The following PBX1 variants were observed in gnomAD, a reference collection of about 807,000 sequenced individuals.
PBX1 encodes the protein pre-B-cell leukemia transcription factor 1.
PBX1 carries 6 observed loss-of-function variants against 53.4 expected under a neutral mutation model. That is an observed-to-expected ratio of 0.11 (90% CI 0.06 to 0.22). The LOEUF is 0.22. Ranked by LOEUF, PBX1 falls within the 10% of genes least tolerant of loss-of-function variation. The pLI is 1.00. For missense variants in PBX1, 251 were observed against 551.4 expected (o/e 0.46, Z 5.46); for synonymous variants, 204 against 212.3 (o/e 0.96, Z 0.34).
At chr1:164,846,022 C>T (rs1458862889) in intron 8 of PBX1, among the ~76,000 whole-genome samples, 2 of 152,010 alleles carry the variant, frequency 1.3e-5, no homozygotes, top group Non-Finnish European at 2.9e-5. Flanking sequence ...GTGGGCTTAT[C>T]TCCCTCCTTG....
chr1:164,569,645 C>A (rs1653701549), intron 2 of PBX1, among the ~76,000 whole-genome samples: 1 of 144,538 alleles, frequency 6.9e-6, no homozygotes, highest in African/African-American at 2.5e-5. Flanking sequence ...GATCTCGGCC[C>A]ACTGAAACCT....
At chr1:164,728,764 C>T (rs1374137505) in intron 2 of PBX1, among the ~76,000 whole-genome samples, 3 of 151,992 alleles carry the variant, frequency 2.0e-5, no homozygotes, top group Non-Finnish European at 4.4e-5. Context: ...TTTATAACAC[C>T]GGTTGAGTAA....
intron 2 of PBX1, among the ~76,000 whole-genome samples, chr1:164,681,706 GAAA>G (rs1286290350): frequency 6.6e-6 from 1 of 152,154 alleles, no homozygotes; most frequent in African/African-American, 2.4e-5. Flanking sequence ...AGTGAGGACT[GAAA>G]AACTACCTAT....
intron 8 of PBX1, among the ~76,000 whole-genome samples, chr1:164,843,872 G>A (rs918008927): frequency 1.3e-5 from 2 of 152,078 alleles, no homozygotes; most frequent in Non-Finnish European, 2.9e-5. Context: ...CCTTCTTAAT[G>A]AAACACCACA....
At chr1:164,767,491 G>T (rs907592631) in intron 2 of PBX1, among the ~76,000 whole-genome samples, 7 of 152,106 alleles carry the variant, frequency 4.6e-5, no homozygotes, top group Non-Finnish European at 2.9e-5. Flanking sequence ...ATATGGATTG[G>T]ATATGGCTTT....
chr1:164,701,617 C>T (rs1483665155), intron 2 of PBX1, among the ~76,000 whole-genome samples: 1 of 152,216 alleles, frequency 6.6e-6, no homozygotes, highest in Non-Finnish European at 1.5e-5. Flanking sequence ...TTCACACTCT[C>T]TCCCACTCCC....
chr1:164,756,007 A>AAT (rs1020687649), intron 2 of PBX1, among the ~76,000 whole-genome samples: 3 of 151,196 alleles, frequency 2.0e-5, no homozygotes, highest in African/African-American at 7.3e-5. Context: ...GGAAAAAAAA[A>AAT]AAAAAAAAGA....
Position 164,847,079 on chromosome 1 carries a change from G to C in PBX1, c.*403G>C. 1 of 1,096,796 alleles carries C rather than the reference G, an allele frequency of 9.1e-7. No homozygotes were observed. The highest frequency in any genetic ancestry group is 1.6e-5 in the African/African-American group (1 of 62,918). The allele number at this position is 1,096,796 out of a possible 1,614,324, so 67.9% of individuals were successfully genotyped here. ...AAAGTGTTTGTACGTTTTCATGCTG[G>C]TGGTTTGAGGAGCCAAATTTACCTC... On this transcript the variant is annotated 3_prime_UTR_variant, in exon 9 of 9. Transcript: ENST00000420696.
chr1:164,612,746 C>T (rs1317965534), intron 2 of PBX1, among the ~76,000 whole-genome samples: 4 of 152,140 alleles, frequency 2.6e-5, no homozygotes, highest in Non-Finnish European at 4.4e-5. Context: ...CCTCTGTTCC[C>T]GTCTTCCTGG....
intron 2 of PBX1, among the ~76,000 whole-genome samples, chr1:164,748,388 C>T (rs1017749875): frequency 1.3e-5 from 2 of 152,090 alleles, no homozygotes; most frequent in Admixed American, 6.5e-5. Context: ...ACTCTATATC[C>T]GGCCTCTTTG....
chr1:164,565,422 G>T (rs372849084), intron 2 of PBX1, among the ~76,000 whole-genome samples: 25 of 145,904 alleles, frequency 1.7e-4, no homozygotes, highest in Non-Finnish European at 3.5e-4. Flanking sequence ...TGTGTTAAGG[G>T]ACACACACAC....
At chr1:164,786,000 G>GT (rs1668154479) in intron 2 of PBX1, among the ~76,000 whole-genome samples, 2 of 152,326 alleles carry the variant, frequency 1.3e-5, no homozygotes, top group East Asian at 3.9e-4. Flanking sequence ...AGATTTGACA[G>GT]TTTTTTGAAG....
chr1:164,660,519 T>C (rs1660424863), intron 2 of PBX1, among the ~76,000 whole-genome samples: 1 of 152,166 alleles, frequency 6.6e-6, no homozygotes, highest in African/African-American at 2.4e-5. Flanking sequence ...ATTCCTTTTA[T>C]GTTAACTTGC....
intron 2 of PBX1, among the ~76,000 whole-genome samples, chr1:164,884,207 C>T (rs1055189963): frequency 6.6e-6 from 1 of 152,180 alleles, no homozygotes; most frequent in Non-Finnish European, 1.5e-5. Context: ...AAATGAATCA[C>T]ATTTTTTTCT....
intron 2 of PBX1, among the ~76,000 whole-genome samples, chr1:164,587,141 T>A (rs1223037426): frequency 6.6e-6 from 1 of 152,222 alleles, no homozygotes; most frequent in African/African-American, 2.4e-5. Flanking sequence ...GGATGTAGGA[T>A]GCTACAACTA....
At position 164,792,509 on chromosome 1, in the gene PBX1, G is replaced by A. The variant is rs35543782; in HGVS notation, c.281G>A (p.Gly94Glu). ...IKEKTVLSIR[G>E]AQEEEPTDPQ... ...TTTTCTGTAGTTTTGAGTATCCGAG[G>A]AGCCCAGGAGGAGGAACCCACAGAC... is the stretch of plus-strand genomic sequence containing the variant. Residue 94 changes from glycine to glutamate, a missense_variant, in exon 3 of 9, where the codon GGA becomes GAA. Coordinates refer to ENST00000420696, the MANE Select transcript of PBX1 (RefSeq NM_002585.4). 2 of 1,613,830 alleles carry A rather than the reference G, an allele frequency of 1.2e-6. No homozygotes were observed. The highest frequency in any genetic ancestry group is 1.7e-6 in the Non-Finnish European group (2 of 1,180,008).
At chr1:164,622,290 CTG>C (rs140297714) in intron 2 of PBX1, among the ~76,000 whole-genome samples, 1 of 151,992 alleles carries the variant, frequency 6.6e-6, no homozygotes, top group Non-Finnish European at 1.5e-5. Flanking sequence ...CTGGGCCGCA[CTG>C]TTGTGAGTGC....
At chr1:164,614,296 G>A (rs1036042771) in intron 2 of PBX1, among the ~76,000 whole-genome samples, 1 of 152,138 alleles carries the variant, frequency 6.6e-6, no homozygotes, top group Admixed American at 6.5e-5. Flanking sequence ...TGACTATACC[G>A]AGGACACAGA....
chr1:164,603,292 G>T (rs1656303779), intron 2 of PBX1, among the ~76,000 whole-genome samples: 1 of 151,846 alleles, frequency 6.6e-6, no homozygotes, highest in Non-Finnish European at 1.5e-5. Flanking sequence ...ATTGATGTTT[G>T]CAAAAGACAG....
Sources: allele counts gnomAD v4.1 joint callset (sites outside exome capture counted in the v4.1 genomes callset), GRCh38; gene constraint gnomAD v4.1.1; transcripts MANE v1.5; gene names NCBI Gene and HGNC (gene_info 2026-07-23, HGNC 2026-07-21).